The following AK5 variants were observed in gnomAD, a reference collection of about 807,000 sequenced individuals.
The protein encoded by AK5 is adenylate kinase 5, also known as adenylate kinase isoenzyme 5.
In AK5, 27 loss-of-function variants were observed where a neutral mutation model predicts 69.5. The observed-to-expected ratio is 0.39, with a 90% CI of 0.29 to 0.54. AK5 has a LOEUF of 0.54. Ranked by LOEUF, AK5 falls within the 20% of genes least tolerant of loss-of-function variation. AK5 has a pLI of 0.71. For synonymous variants in AK5, 260 were observed against 244.4 expected (o/e 1.06, Z -0.60); for missense variants, 531 against 700.4 (o/e 0.76, Z 2.73).
chr1:77,434,360 A>G (rs1337189657), intron 8 of AK5, among the ~76,000 whole-genome samples: 1 of 152,110 alleles, frequency 6.6e-6, no homozygotes, highest in Non-Finnish European at 1.5e-5. Context: ...CATACAATTT[A>G]CTAAGTAAAC....
At chr1:77,412,624 C>A (rs182628868) in intron 7 of AK5, among the ~76,000 whole-genome samples, 1 of 152,302 alleles carries the variant, frequency 6.6e-6, no homozygotes, top group East Asian at 1.9e-4. Flanking sequence ...ATGGTGAAAT[C>A]TCCTGGCTTA....
intron 5 of AK5, among the ~76,000 whole-genome samples, chr1:77,319,315 T>A (rs1660403806): frequency 6.6e-6 from 1 of 152,214 alleles, no homozygotes; most frequent in Non-Finnish European, 1.5e-5. Context: ...GAGAACTGAT[T>A]TATACATTTC....
chr1:77,538,656 A>T (rs2100364905), intron 13 of AK5, among the ~76,000 whole-genome samples: 1 of 142,560 alleles, frequency 7.0e-6, no homozygotes, highest in African/African-American at 2.8e-5. Context: ...TCAAAAAATA[A>T]AAAAAAAAAT....
intron 10 of AK5, among the ~76,000 whole-genome samples, chr1:77,496,835 T>C (rs1656342503): frequency 2.6e-5 from 4 of 152,170 alleles, no homozygotes; most frequent in African/African-American, 9.6e-5. Flanking sequence ...TTCTGTAAAA[T>C]GGACCAATCA....
intron 12 of AK5, among the ~76,000 whole-genome samples, chr1:77,531,772 A>G (rs1026082041): frequency 1.7e-5 from 2 of 118,212 alleles, no homozygotes; most frequent in Non-Finnish European, 3.4e-5. Flanking sequence ...CGCACTCCTC[A>G]GGGTGGATGG....
At chr1:77,296,872 C>T (rs1659035339) in intron 3 of AK5, among the ~76,000 whole-genome samples, 1 of 151,994 alleles carries the variant, frequency 6.6e-6, no homozygotes, top group African/African-American at 2.4e-5. Context: ...GTAGTTTTTC[C>T]AGCATCATTT....
intron 6 of AK5, among the ~76,000 whole-genome samples, chr1:77,367,554 T>TATA (rs59508312): frequency 3.5e-5 from 1 of 28,588 alleles, no homozygotes; most frequent in Admixed American, 6.6e-4. Context: ...ATTTATGTTA[T>TATA]TTTTATATAT....
chr1:77,370,717 C>T (rs1209208515), intron 6 of AK5, among the ~76,000 whole-genome samples: 2 of 152,112 alleles, frequency 1.3e-5, no homozygotes, highest in Non-Finnish European at 2.9e-5. Flanking sequence ...TCTTTTACCG[C>T]ACTGTGGGTA....
intron 13 of AK5, among the ~76,000 whole-genome samples, chr1:77,544,283 G>A (rs1277744587): frequency 6.6e-6 from 1 of 152,210 alleles, no homozygotes; most frequent in African/African-American, 2.4e-5. Flanking sequence ...TGAAGGCCTA[G>A]GATGTTACTG....
chr1:77,302,663 A>G (rs919067481), intron 5 of AK5, among the ~76,000 whole-genome samples: 11 of 152,200 alleles, frequency 7.2e-5, no homozygotes, highest in Non-Finnish European at 1.5e-5. Context: ...GTTTGGAGGT[A>G]TACAGGCAGT....
At chr1:77,321,968 T>C (rs1416103519) in intron 5 of AK5, among the ~76,000 whole-genome samples, 1 of 152,226 alleles carries the variant, frequency 6.6e-6, no homozygotes, top group East Asian at 1.9e-4. Flanking sequence ...ACTAATCAAT[T>C]GTATTTCTAT....
intron 10 of AK5, among the ~76,000 whole-genome samples, chr1:77,514,185 T>C (rs762900428): frequency 6.6e-6 from 1 of 152,202 alleles, no homozygotes; most frequent in Non-Finnish European, 1.5e-5. Context: ...TAGAATCTCA[T>C]ATTCCACAAT....
At chr1:77,458,322 A>G (rs1653626155) in intron 8 of AK5, among the ~76,000 whole-genome samples, 1 of 151,842 alleles carries the variant, frequency 6.6e-6, no homozygotes, top group African/African-American at 2.4e-5. Flanking sequence ...TGCTTCTTTC[A>G]TTATGTCTCC....
At chr1:77,358,827 A>AC (rs397705205) in intron 6 of AK5, among the ~76,000 whole-genome samples, 1 of 151,018 alleles carries the variant, frequency 6.6e-6, no homozygotes, top group African/African-American at 2.4e-5. Flanking sequence ...GAAAAAAAAA[A>AC]GAGGAAAGAA....
intron 5 of AK5, among the ~76,000 whole-genome samples, chr1:77,338,816 C>T (rs1661500200): frequency 6.6e-6 from 1 of 152,182 alleles, no homozygotes; most frequent in African/African-American, 2.4e-5. Flanking sequence ...GAGCACCTGC[C>T]ATGAAACATA....
intron 10 of AK5, among the ~76,000 whole-genome samples, chr1:77,499,897 T>TTTTTTTTG (rs1656605973): frequency 7.7e-6 from 1 of 129,310 alleles, no homozygotes; most frequent in Non-Finnish European, 1.6e-5. Flanking sequence ...TTTTTTTTTT[T>TTTTTTTTG]TTTTGGTTTG....
intron 9 of AK5, among the ~76,000 whole-genome samples, chr1:77,484,729 T>C (rs1655481508): frequency 6.6e-6 from 1 of 152,244 alleles, no homozygotes; most frequent in African/African-American, 2.4e-5. Context: ...ACATAAATTA[T>C]CATGGTTAAC....
Position 77,368,246 on chromosome 1 carries a change from T to TATA in AK5, c.891+27679_891+27681dup, listed in dbSNP as rs1647045315. Among the ~76,000 whole-genome samples the TATA allele has an allele frequency of 1.0e-3, 5 of 4,840 alleles. No homozygotes were observed. In the South Asian group the frequency reaches 0.021, roughly 21 times the overall value. 3.2% of individuals were successfully genotyped at this position (4,840 alleles called of 152,430 possible). A position where few individuals can be genotyped will look rare whatever the true frequency, so the allele number is the denominator to read the frequency against. On this transcript the variant is annotated intron_variant, in intron 6 of 13. Transcript: ENST00000354567. ...ATATATATATATATATATATATATA[T>TATA]ATATATAATATATATGTTATATATA...
At chr1:77,482,836 A>G (rs1347660480) in intron 8 of AK5, among the ~76,000 whole-genome samples, 1 of 151,688 alleles carries the variant, frequency 6.6e-6, no homozygotes, top group African/African-American at 2.4e-5. Context: ...AATAGTTACT[A>G]TCTGGCCCTT....
Sources: allele counts gnomAD v4.1 joint callset (sites outside exome capture counted in the v4.1 genomes callset), GRCh38; gene constraint gnomAD v4.1.1; transcripts MANE v1.5; gene names NCBI Gene and HGNC (gene_info 2026-07-23, HGNC 2026-07-21).